Variants in PPFIA2 observed in about 807,000 individuals in gnomAD.
The protein encoded by PPFIA2 is liprin-alpha-2.
PPFIA2 carries 46 observed loss-of-function variants against 175.5 expected under a neutral mutation model. That is an observed-to-expected ratio of 0.26 (90% CI 0.21 to 0.34). PPFIA2 has a LOEUF of 0.34. PPFIA2 is among the 10% of genes least tolerant of loss of function. The pLI, the probability that PPFIA2 is intolerant of heterozygous loss-of-function variation, is 1.00. For synonymous variants in PPFIA2, 568 were observed against 511.4 expected, an observed-to-expected ratio of 1.11 and a Z score of -1.49; for missense variants, 1,179 against 1,506.1, an observed-to-expected ratio of 0.78 and a Z score of 3.60.
intron 11 of PPFIA2, among the ~76,000 whole-genome samples, chr12:81,369,642 T>C (rs1252349087): frequency 6.6e-6 from 1 of 151,830 alleles, no homozygotes; most frequent in Non-Finnish European, 1.5e-5. Context: ...ATGGAGATCA[T>C]TTCTTGTAGT....
chr12:81,278,928 T>C (rs1048363705), intron 27 of PPFIA2, among the ~76,000 whole-genome samples: 2 of 152,284 alleles, frequency 1.3e-5, no homozygotes, highest in African/African-American at 4.8e-5. Flanking sequence ...AAAACAATGT[T>C]GAGTCAAATA....
chr12:81,562,766 GA>G (rs1465806704), intron 4 of PPFIA2, among the ~76,000 whole-genome samples: 5 of 136,530 alleles, frequency 3.7e-5, no homozygotes, highest in African/African-American at 1.4e-4. Flanking sequence ...AGAATGGCGT[GA>G]ACCCGGGAGG....
intron 4 of PPFIA2, among the ~76,000 whole-genome samples, chr12:81,584,996 A>AATATGTT (rs71098152): frequency 2.1e-3 from 32 of 15,146 alleles, no homozygotes; most frequent in African/African-American, 4.7e-3. Context: ...ATTTATATAT[A>AATATGTT]ATATATTAAT....
intron 20 of PPFIA2, among the ~76,000 whole-genome samples, 182 bp from the exon 21 acceptor site, chr12:81,339,516 A>T (rs1394438825): frequency 1.3e-5 from 2 of 151,000 alleles, no homozygotes; most frequent in African/African-American, 4.9e-5. Context: ...GGGCCCTGAA[A>T]CTCCAAATTT....
At chr12:81,626,191 G>A (rs756702578) in intron 4 of PPFIA2, among the ~76,000 whole-genome samples, 8 of 151,334 alleles carry the variant, frequency 5.3e-5, no homozygotes, top group South Asian at 2.1e-4. Context: ...ATCAAACTAC[G>A]TAGAGGATTC....
At chr12:81,416,164 A>G (rs1173864311) in intron 7 of PPFIA2, among the ~76,000 whole-genome samples, 2 of 151,628 alleles carry the variant, frequency 1.3e-5, no homozygotes, top group African/African-American at 2.4e-5. Context: ...AAAATAGCCA[A>G]GGAAGCTGTT....
chr12:81,368,284 G>T (rs1052994299), intron 13 of PPFIA2: 1 of 608,496 alleles, frequency 1.6e-6, no homozygotes, highest in Non-Finnish European at 2.6e-6. Context: ...ATTGATACTA[G>T]TTCTTTTGAT....
intron 4 of PPFIA2, among the ~76,000 whole-genome samples, chr12:81,579,571 T>C (rs2074095696): frequency 6.6e-6 from 1 of 151,814 alleles, no homozygotes; most frequent in Non-Finnish European, 1.5e-5. Flanking sequence ...ATTAGCTTAT[T>C]TTCATGTGAA....
chr12:81,346,783 T>G (rs965623882), intron 18 of PPFIA2, among the ~76,000 whole-genome samples: 34 of 152,002 alleles, frequency 2.2e-4, no homozygotes, highest in African/African-American at 8.0e-4. Context: ...AACTCTATCT[T>G]GGTGTATTGA....
intron 17 of PPFIA2, among the ~76,000 whole-genome samples, chr12:81,352,603 G>A (rs989558965): frequency 6.6e-6 from 1 of 151,612 alleles, no homozygotes; most frequent in African/African-American, 2.4e-5. Context: ...CAAGAAACAC[G>A]CTGTCCCTGA....
At chr12:81,490,313 T>C (rs1522316) in intron 4 of PPFIA2, among the ~76,000 whole-genome samples, 1 of 151,706 alleles carries the variant, frequency 6.6e-6, no homozygotes, top group South Asian at 2.1e-4. Flanking sequence ...ATAGCCAATC[T>C]AAACATTACA....
At position 81,598,270 on chromosome 12, in the gene PPFIA2, T is replaced by G. The variant is rs2059457450; in HGVS notation, c.303+78521A>C. 2.4e-6 allele frequency: 3 copies of G among 1,259,404 alleles called. No individual in the cohort carries two copies. The South Asian group carries it at 7.1e-5, about 30-fold the overall frequency. 78.0% of individuals were successfully genotyped at this position (1,259,404 alleles called of 1,614,324 possible). A position where few individuals can be genotyped will look rare whatever the true frequency, so the allele number is the denominator to read the frequency against. ...AGCTAGTTCTCTAGAACATACAATG[T>G]TTTTTAAAAAATTAAAAACACAGAA... On this transcript the variant is annotated intron_variant, in intron 4 of 32. Transcript: ENST00000549396.
Position 81,470,237 on chromosome 12 carries a change from T to C in PPFIA2, c.304-12371A>G, listed in dbSNP as rs553662191. ...TATATAAATAACTATTACAATTCTA[T>C]AATAAGAAGACAAATAACCAAATTT... On this transcript the variant is annotated intron_variant, in intron 4 of 32. Transcript: ENST00000549396. Among the ~76,000 whole-genome samples, 574 of 152,276 alleles carry C rather than the reference T, an allele frequency of 3.8e-3. 3 individuals carry two copies. Among genetic ancestry groups the C allele is most frequent in the African/African-American group, 0.013 (537 of 41,568 alleles).
At chr12:81,698,436 C>A (rs1016708906) in intron 3 of PPFIA2, among the ~76,000 whole-genome samples, 13 of 152,090 alleles carry the variant, frequency 8.5e-5, no homozygotes, top group Admixed American at 6.6e-5. Context: ...AGGCCCTAGC[C>A]AGATGAGGAC....
chr12:81,269,254 A>G (rs910655009), intron 28 of PPFIA2, among the ~76,000 whole-genome samples: 2 of 151,850 alleles, frequency 1.3e-5, no homozygotes. Context: ...ATTTTAAGAA[A>G]CTTAAGGGGA....
intron 4 of PPFIA2, among the ~76,000 whole-genome samples, chr12:81,490,610 G>A (rs768513823): frequency 1.3e-4 from 20 of 152,060 alleles, no homozygotes; most frequent in Admixed American, 8.5e-4. Flanking sequence ...ATAAATTGAT[G>A]TTAAGCAGCC....
In PPFIA2 at chr12:81,607,260, G is replaced by A. The variant is rs116527663; in HGVS notation, c.303+69531C>T. 6.2e-3 allele frequency among the ~76,000 whole-genome samples: 947 copies of A among 152,126 alleles called. 38 individuals carry two copies. The East Asian group carries it at 0.095, about 15-fold the overall frequency. ...GTGATGCCTCCAACTTTGTTCTTTT[G>A]CTTAGGATTGCTTTGGCTATTTGGG... is the stretch of plus-strand genomic sequence containing the variant. On this transcript the variant is annotated intron_variant, in intron 4 of 32. Transcript: ENST00000549396.
intron 23 of PPFIA2, chr12:81,297,994 C>T (rs2046906474): frequency 6.6e-6 from 1 of 152,192 alleles, no homozygotes; most frequent in South Asian, 2.1e-4. Context: ...TTAGCACAAA[C>T]TTCACTGTCT....
rs144919961 is a variant in PPFIA2 at position 81,443,554 on chromosome 12, C to T, written c.570+2002G>A. Among the ~76,000 whole-genome samples, 82 of 152,060 alleles carry T rather than the reference C, an allele frequency of 5.4e-4. 1 individual carries two copies. The highest frequency in any genetic ancestry group is 1.9e-3 in the African/African-American group (77 of 41,394). ...CATTTTTTTCTTAAATGTACTCACA[C>T]GACCAGGTTATTTGTCTTAAATGCT... On this transcript the variant is annotated intron_variant, in intron 6 of 32. Transcript: ENST00000549396.
Sources: gnomAD v4.1 joint callset for allele counts (sites outside exome capture counted in the v4.1 genomes callset) on GRCh38, gnomAD v4.1.1 for gene constraint, MANE v1.5 for transcripts, NCBI Gene and HGNC (gene_info 2026-07-23, HGNC 2026-07-21) for gene names.